FOXN3: variants seen among roughly 807,000 people sequenced by gnomAD.
The protein encoded by FOXN3 is forkhead box protein N3.
FOXN3 carries 7 observed loss-of-function variants against 38.4 expected under a neutral mutation model. The ratio of observed to expected loss-of-function variants is 0.18; its 90% confidence interval spans 0.10 to 0.34. The LOEUF (loss-of-function observed/expected upper bound fraction) is 0.34, where lower values mean the gene tolerates loss of function less well. Among genes scored for constraint, FOXN3 ranks in the 10% least tolerant of loss-of-function variants. FOXN3 has a pLI of 1.00. For synonymous variants in FOXN3, 230 were observed against 242.2 expected, an observed-to-expected ratio of 0.95 and a Z score of 0.47; for missense variants, 456 against 613.4, an observed-to-expected ratio of 0.74 and a Z score of 2.71.
chr14:89,500,301 A>G (rs1358903693), intron 1 of FOXN3, among the ~76,000 whole-genome samples: 2 of 152,202 alleles, frequency 1.3e-5, no homozygotes, highest in East Asian at 3.8e-4. Flanking sequence ...CGGATGGCCT[A>G]AGAGGCTCCT....
chr14:89,601,152 C>T (rs1896144603), intron 1 of FOXN3, among the ~76,000 whole-genome samples: 1 of 152,210 alleles, frequency 6.6e-6, no homozygotes, highest in Non-Finnish European at 1.5e-5. Context: ...TAATTATAGA[C>T]TCACCATGTC....
chr14:89,180,992 A>G (rs1348599037), intron 4 of FOXN3, among the ~76,000 whole-genome samples, 186 bp from the exon 5 acceptor site: 1 of 150,038 alleles, frequency 6.7e-6, no homozygotes, highest in Non-Finnish European at 1.5e-5. Flanking sequence ...ATGCACAGAC[A>G]CACACTCACA....
At chr14:89,323,355 G>C (rs889161708) in intron 3 of FOXN3, among the ~76,000 whole-genome samples, 1 of 151,910 alleles carries the variant, frequency 6.6e-6, no homozygotes, top group South Asian at 2.1e-4. Context: ...TATTTTGAAG[G>C]GGTGGTTAGG....
chr14:89,599,553 T>C (rs992621753), intron 1 of FOXN3, among the ~76,000 whole-genome samples: 3 of 147,060 alleles, frequency 2.0e-5, no homozygotes, highest in African/African-American at 8.2e-5. Flanking sequence ...ATCCAATTTG[T>C]TTATTTTTTA....
intron 1 of FOXN3, among the ~76,000 whole-genome samples, chr14:89,467,701 T>TC: frequency 6.7e-6 from 1 of 148,594 alleles, no homozygotes; most frequent in Non-Finnish European, 1.5e-5. Context: ...GCTCCAGCAG[T>TC]CCTCCCTCCT....
chr14:89,466,851 C>T (rs747524236), intron 1 of FOXN3, among the ~76,000 whole-genome samples: 2 of 152,150 alleles, frequency 1.3e-5, no homozygotes, highest in Admixed American at 6.5e-5. Context: ...CTCAGGCCTA[C>T]GGCAAGGTGG....
intron 4 of FOXN3, among the ~76,000 whole-genome samples, chr14:89,260,558 T>G (rs1249634324): frequency 6.6e-6 from 1 of 152,280 alleles, no homozygotes; most frequent in East Asian, 1.9e-4. Context: ...CCCAGGGTCA[T>G]GTGTACGGCA....
chr14:89,508,971 A>T (rs929510142), intron 1 of FOXN3, among the ~76,000 whole-genome samples: 18 of 152,040 alleles, frequency 1.2e-4, no homozygotes, highest in South Asian at 8.3e-4. Context: ...GAGGGATGTC[A>T]TATCACCTCC....
At chr14:89,198,895 A>T (rs1218583067) in intron 4 of FOXN3, among the ~76,000 whole-genome samples, 1 of 152,266 alleles carries the variant, frequency 6.6e-6, no homozygotes, top group Admixed American at 6.5e-5. Flanking sequence ...CAGATATACA[A>T]TTCACTTTGT....
chr14:89,601,585 T>C (rs1896154502), intron 1 of FOXN3, among the ~76,000 whole-genome samples: 2 of 152,192 alleles, frequency 1.3e-5, no homozygotes, highest in Admixed American at 1.3e-4. Flanking sequence ...AGGGTGATAT[T>C]GAGGCCAATA....
At chr14:89,282,102 G>A (rs1004345109) in intron 3 of FOXN3, among the ~76,000 whole-genome samples, 7 of 151,986 alleles carry the variant, frequency 4.6e-5, no homozygotes, top group Non-Finnish European at 8.8e-5. Flanking sequence ...CTGCCCACTG[G>A]AATTTCATTA....
intron 5 of FOXN3, among the ~76,000 whole-genome samples, chr14:89,180,439 C>A (rs575013375): frequency 6.6e-6 from 1 of 152,136 alleles, no homozygotes; most frequent in East Asian, 1.9e-4. Context: ...TCTTACCCTG[C>A]CTTCTTAGAA....
intron 1 of FOXN3, among the ~76,000 whole-genome samples, chr14:89,585,597 AG>A (rs2139917557): frequency 6.6e-6 from 1 of 152,306 alleles, no homozygotes; most frequent in East Asian, 1.9e-4. Flanking sequence ...AGACTAAAAA[AG>A]CTCCCTGCCC....
chr14:89,428,390 G>A (rs961825802), intron 1 of FOXN3, among the ~76,000 whole-genome samples: 1 of 152,120 alleles, frequency 6.6e-6, no homozygotes, highest in Non-Finnish European at 1.5e-5. Flanking sequence ...GCAGGCAAAA[G>A]GTGTCCAGAA....
At chr14:89,495,793 G>GT (rs750085680) in intron 1 of FOXN3, among the ~76,000 whole-genome samples, 125 of 152,272 alleles carry the variant, frequency 8.2e-4, no homozygotes, top group Non-Finnish European at 1.6e-3. Flanking sequence ...AACTTGGTAG[G>GT]TATCACCAAT....
intron 3 of FOXN3, among the ~76,000 whole-genome samples, chr14:89,347,549 A>G (rs577122017): frequency 6.6e-6 from 1 of 152,336 alleles, no homozygotes; most frequent in Non-Finnish European, 1.5e-5. Flanking sequence ...CTTGGTTTGA[A>G]GTACTCCACG....
chr14:89,550,731 G>C (rs565159578), intron 1 of FOXN3, among the ~76,000 whole-genome samples: 4 of 152,104 alleles, frequency 2.6e-5, no homozygotes, highest in African/African-American at 9.7e-5. Flanking sequence ...CTGAGTCCTC[G>C]GGCGACTGCT....
intron 1 of FOXN3, among the ~76,000 whole-genome samples, chr14:89,491,605 A>C (rs1893577632): frequency 6.6e-6 from 1 of 152,234 alleles, no homozygotes. Context: ...AAAGCCCTGG[A>C]TGCCAACCTT....
intron 1 of FOXN3, among the ~76,000 whole-genome samples, chr14:89,558,782 C>T (rs1184865043): frequency 6.6e-6 from 1 of 152,172 alleles, no homozygotes; most frequent in Non-Finnish European, 1.5e-5. Context: ...AGGTTGGGTA[C>T]ACCATTGCCC....
Sources: allele counts gnomAD v4.1 joint callset (sites outside exome capture counted in the v4.1 genomes callset), GRCh38; gene constraint gnomAD v4.1.1; transcripts MANE v1.5; gene names NCBI Gene and HGNC (gene_info 2026-07-23, HGNC 2026-07-21).